The following MEIKIN variants were observed in gnomAD, a reference collection of about 807,000 sequenced individuals.
MEIKIN encodes meiotic kinetochore factor, also known as meiosis-specific kinetochore protein.
intron 8 of MEIKIN, among the ~76,000 whole-genome samples, chr5:131,889,051 T>C (rs971306306): frequency 6.6e-6 from 1 of 152,200 alleles, no homozygotes; most frequent in South Asian, 2.1e-4. Context: ...GAGGGCTCTG[T>C]TCTGTTCCAT....
intron 11 of MEIKIN, among the ~76,000 whole-genome samples, chr5:131,831,488 T>C (rs1196493849): frequency 2.6e-5 from 4 of 152,144 alleles, no homozygotes; most frequent in Non-Finnish European, 5.9e-5. Context: ...GCCCAGGAGT[T>C]TGAGATTACA....
chr5:131,891,293 A>T lies in MEIKIN; in HGVS notation c.704-12245T>A, dbSNP rs186414599. Among the ~76,000 whole-genome samples, 5 of 152,184 alleles carry T rather than the reference A, an allele frequency of 3.3e-5. No homozygotes were observed. In the East Asian group the frequency reaches 9.7e-4, roughly 29 times the overall value. On this transcript the variant is annotated intron_variant, in intron 8 of 12. Transcript: ENST00000442687. The stretch of plus-strand genomic sequence containing the variant: ...TCCTTGTTAACTTTCTGTCTTGTTG[A>T]TCTGTCTAATGTTGTCAGTGGGTTG...
chr5:131,886,145 G>A (rs560522125), intron 8 of MEIKIN, among the ~76,000 whole-genome samples: 7 of 152,138 alleles, frequency 4.6e-5, no homozygotes, highest in East Asian at 1.9e-4. Flanking sequence ...AAAAAACAAC[G>A]AAGCATGTTT....
At chr5:131,866,000 C>A (rs1245223172) in intron 9 of MEIKIN, among the ~76,000 whole-genome samples, 1 of 152,182 alleles carries the variant, frequency 6.6e-6, no homozygotes, top group Non-Finnish European at 1.5e-5. Context: ...TCCAGGTAGC[C>A]AATTCTTGGG....
chr5:131,929,781 T>TA (rs1278353640), intron 5 of MEIKIN, among the ~76,000 whole-genome samples: 1 of 152,186 alleles, frequency 6.6e-6, no homozygotes, highest in African/African-American at 2.4e-5. Context: ...GAACATATGG[T>TA]ATTTGGTTTT....
At chr5:131,882,253 T>G (rs528100804) in intron 8 of MEIKIN, among the ~76,000 whole-genome samples, 1 of 152,196 alleles carries the variant, frequency 6.6e-6, no homozygotes, top group Non-Finnish European at 1.5e-5. Context: ...ATTCTCCACA[T>G]AACAGCCAAA....
Position 131,885,366 on chromosome 5 carries a change from AGAGAGAGAG to A in MEIKIN, c.704-6327_704-6319del, listed in dbSNP as rs1750769678. On this transcript the variant is annotated intron_variant, in intron 8 of 12. Coordinates refer to ENST00000442687, the MANE Select transcript of MEIKIN (RefSeq NM_001303622.2). ...AAGAGAGAGAGAGAGAGAGAGAGAGAGAGAGAGAGAGAGAGAGAGAGAGAGAGAGAGAGA... is the reference window on the plus strand; with the variant it reads ...AAGAGAGAGAGAGAGAGAGAGAGAGAAGAGAGAGAGAGAGAGAGAGAGAGA... 3.0e-3 allele frequency among the ~76,000 whole-genome samples: 204 copies of A among 69,060 alleles called. 9 individuals carry two copies. Among genetic ancestry groups the A allele is most frequent in the South Asian group, 4.9e-3 (9 of 1,830 alleles). 45.3% of individuals were successfully genotyped at this position (69,060 alleles called of 152,430 possible). A position where few individuals can be genotyped will look rare whatever the true frequency, so the allele number is the denominator to read the frequency against.
At chr5:131,860,532 G>A (rs182366605) in intron 9 of MEIKIN, among the ~76,000 whole-genome samples, 9 of 149,220 alleles carry the variant, frequency 6.0e-5, no homozygotes, top group Non-Finnish European at 1.5e-5. Context: ...TGCAACCTCC[G>A]CCTCCCAGGT....
chr5:131,893,573 C>T (rs545739429), intron 8 of MEIKIN, among the ~76,000 whole-genome samples: 18 of 152,354 alleles, frequency 1.2e-4, no homozygotes, highest in Admixed American at 3.3e-4. Flanking sequence ...CTTCAGCTCA[C>T]GCATGGTGTG....
chr5:131,897,461 G>C (rs1751072534), intron 8 of MEIKIN, among the ~76,000 whole-genome samples: 1 of 152,122 alleles, frequency 6.6e-6, no homozygotes, highest in South Asian at 2.1e-4. Context: ...AATTCTCCTG[G>C]ATAATATCCT....
chr5:131,831,237 C>T (rs1214829550), intron 11 of MEIKIN, among the ~76,000 whole-genome samples: 4 of 152,184 alleles, frequency 2.6e-5, no homozygotes, highest in Non-Finnish European at 1.5e-5. Context: ...CACTCTCCTT[C>T]CCATTTATAT....
chr5:131,891,949 G>C (rs1750929812), intron 8 of MEIKIN, among the ~76,000 whole-genome samples: 1 of 152,152 alleles, frequency 6.6e-6, no homozygotes, highest in African/African-American at 2.4e-5. Context: ...TGTCTGTAAA[G>C]GATTTTATTT....
At chr5:131,816,749 C>T (rs529042314) in intron 12 of MEIKIN, among the ~76,000 whole-genome samples, 10 of 152,130 alleles carry the variant, frequency 6.6e-5, no homozygotes, top group Non-Finnish European at 1.2e-4. Flanking sequence ...CTGATGTTAT[C>T]AGAGATAGAG....
intron 9 of MEIKIN, among the ~76,000 whole-genome samples, chr5:131,865,246 G>A (rs1269052045): frequency 6.7e-6 from 1 of 148,958 alleles, no homozygotes; most frequent in African/African-American, 2.5e-5. Flanking sequence ...TTTAGATGGA[G>A]TCATGCTCTG....
At chr5:131,821,630 CTTTTTTTTTTTTTTT>C (rs375765946) in intron 11 of MEIKIN, among the ~76,000 whole-genome samples, 1 of 50,452 alleles carries the variant, frequency 2.0e-5, no homozygotes, top group African/African-American at 1.2e-4. Flanking sequence ...TGAGGTCTGC[CTTTTTTTTTTTTTTT>C]TTTTTTTTTT....
intron 8 of MEIKIN, among the ~76,000 whole-genome samples, chr5:131,907,313 G>GA (rs1163239303): frequency 3.4e-5 from 5 of 148,846 alleles, no homozygotes; most frequent in Admixed American, 1.3e-4. Flanking sequence ...AAAATTAGTA[G>GA]AAAAAAAAGA....
chr5:131,943,001 G>A (rs1314392924), intron 3 of MEIKIN, among the ~76,000 whole-genome samples: 4 of 152,044 alleles, frequency 2.6e-5, no homozygotes, highest in Non-Finnish European at 5.9e-5. Flanking sequence ...CCCTAGTGGG[G>A]AGGGGCTTTT....
At chr5:131,890,138 G>T (rs183682978) in intron 8 of MEIKIN, among the ~76,000 whole-genome samples, 1 of 145,744 alleles carries the variant, frequency 6.9e-6, no homozygotes, top group African/African-American at 2.5e-5. Flanking sequence ...GGATTTTTGC[G>T]AAGGATATTG....
intron 7 of MEIKIN, among the ~76,000 whole-genome samples, chr5:131,914,086 A>T (rs1212416221): frequency 6.6e-6 from 1 of 152,126 alleles, no homozygotes; most frequent in Non-Finnish European, 1.5e-5. Context: ...AAAAAGAGAG[A>T]CCTGAGCTAC....
Sources: allele counts gnomAD v4.1 joint callset (sites outside exome capture counted in the v4.1 genomes callset), GRCh38; gene constraint gnomAD v4.1.1; transcripts MANE v1.5; gene names NCBI Gene and HGNC (gene_info 2026-07-23, HGNC 2026-07-21).